Variants in CPA6 observed in about 807,000 individuals in gnomAD.
CPA6 encodes the protein carboxypeptidase B.
CPA6 carries 58 observed loss-of-function variants against 63.3 expected under a neutral mutation model. That is an observed-to-expected ratio of 0.92 (90% CI 0.74 to 1.14). CPA6 has a LOEUF of 1.14. Ranked by LOEUF, CPA6 falls within the 50% of genes most tolerant of loss-of-function variation. The pLI is 0.00. For synonymous variants in CPA6, 185 were observed against 179.0 expected, an observed-to-expected ratio of 1.03 and a Z score of -0.27; for missense variants, 565 against 526.6, an observed-to-expected ratio of 1.07 and a Z score of -0.71.
In CPA6 at chr8:67,590,172, GA is replaced by G. The variant is rs547786957; in HGVS notation, c.192+34003del. Among the ~76,000 whole-genome samples, 45 of 152,146 alleles carry G rather than the reference GA, an allele frequency of 3.0e-4. No homozygotes were observed. In the East Asian group the frequency reaches 6.0e-3, roughly 20 times the overall value. The stretch of plus-strand genomic sequence containing the variant: ...CTTTGTCCTTGCCATAGTTTACTGA[GA>G]ATGATTATTTCCAATTTCATCCATG... On this transcript the variant is annotated intron_variant, in intron 2 of 10. Transcript: ENST00000297770.
intron 10 of CPA6, among the ~76,000 whole-genome samples, chr8:67,423,607 C>T (rs1351133318): frequency 1.3e-5 from 2 of 152,174 alleles, no homozygotes; most frequent in East Asian, 3.8e-4. Context: ...CATCCTCAAC[C>T]CCTGGCCCAG....
chr8:67,691,546 C>T (rs1345299449), intron 1 of CPA6, among the ~76,000 whole-genome samples: 1 of 152,106 alleles, frequency 6.6e-6, no homozygotes, highest in Non-Finnish European at 1.5e-5. Flanking sequence ...AGCCTGGATC[C>T]CTGAGTGTTT....
intron 8 of CPA6, among the ~76,000 whole-genome samples, chr8:67,480,622 C>T (rs1487192325): frequency 1.3e-5 from 2 of 150,066 alleles, no homozygotes; most frequent in Non-Finnish European, 3.0e-5. Flanking sequence ...AATAATACTA[C>T]TATGAACATT....
At chr8:67,590,520 T>C (rs900550535) in intron 2 of CPA6, among the ~76,000 whole-genome samples, 1 of 150,368 alleles carries the variant, frequency 6.7e-6, no homozygotes, top group African/African-American at 2.4e-5. Context: ...TGTAAAAGTG[T>C]TCCTATTTCT....
intron 2 of CPA6, among the ~76,000 whole-genome samples, chr8:67,594,770 T>G (rs1479214935): frequency 6.6e-6 from 1 of 152,192 alleles, no homozygotes; most frequent in African/African-American, 2.4e-5. Context: ...TTATTCTAGT[T>G]ATACATTTGT....
chr8:67,458,075 A>G (rs947478953), intron 8 of CPA6, among the ~76,000 whole-genome samples: 3 of 152,144 alleles, frequency 2.0e-5, no homozygotes, highest in Non-Finnish European at 4.4e-5. Flanking sequence ...CTAGACACAG[A>G]GCCTACACCC....
intron 8 of CPA6, among the ~76,000 whole-genome samples, chr8:67,440,132 C>T (rs377671128): frequency 1.2e-4 from 19 of 152,176 alleles, no homozygotes; most frequent in African/African-American, 4.3e-4. Flanking sequence ...AGTCTGGAAT[C>T]AAGGTGTCAG....
At chr8:67,575,123 A>G (rs1226783587) in intron 2 of CPA6, among the ~76,000 whole-genome samples, 1 of 152,244 alleles carries the variant, frequency 6.6e-6, no homozygotes, top group Non-Finnish European at 1.5e-5. Flanking sequence ...GCTAACAAAT[A>G]CATGAAAAAA....
At chr8:67,550,810 C>G (rs1347761463) in intron 2 of CPA6, among the ~76,000 whole-genome samples, 1 of 152,000 alleles carries the variant, frequency 6.6e-6, no homozygotes, top group Non-Finnish European at 1.5e-5. Flanking sequence ...CATTTTTTCA[C>G]GTGTTTGTTG....
chr8:67,477,047 T>G (rs886161435), intron 8 of CPA6, among the ~76,000 whole-genome samples: 13 of 152,000 alleles, frequency 8.6e-5, no homozygotes, highest in African/African-American at 3.1e-4. Flanking sequence ...TCCCAGCACT[T>G]TGAGAGGCCG....
At position 67,655,299 on chromosome 8, in the gene CPA6, A is replaced by G. The variant is rs139139326; in HGVS notation, c.117-31048T>C. On this transcript the variant is annotated intron_variant, in intron 1 of 10. Coordinates refer to ENST00000297770, the MANE Select transcript of CPA6 (RefSeq NM_020361.5). ...ATGCAAGTCTTTTGGCTGTCATTTT[A>G]TAAATAGAATAGCAGTAAAATCTCA... is the stretch of plus-strand genomic sequence containing the variant. Among the ~76,000 whole-genome samples the G allele has an allele frequency of 7.2e-3, 1,092 of 152,286 alleles. 14 individuals carry two copies. Among genetic ancestry groups the G allele is most frequent in the African/African-American group, 0.025 (1,040 of 41,562 alleles).
At chr8:67,526,154 C>A (rs185194308) in intron 2 of CPA6, among the ~76,000 whole-genome samples, 1 of 152,234 alleles carries the variant, frequency 6.6e-6, no homozygotes, top group Admixed American at 6.5e-5. Flanking sequence ...TGCTTTAGGA[C>A]ATTTGTGGAG....
chr8:67,453,290 G>A (rs1357633304), intron 8 of CPA6, among the ~76,000 whole-genome samples: 2 of 152,102 alleles, frequency 1.3e-5, no homozygotes, highest in African/African-American at 4.8e-5. Context: ...TTTCATAAAT[G>A]GTTGGATGTA....
intron 8 of CPA6, among the ~76,000 whole-genome samples, chr8:67,470,141 C>T (rs1290326119): frequency 1.3e-5 from 2 of 152,038 alleles, no homozygotes; most frequent in Middle Eastern, 3.4e-3. Flanking sequence ...GCAATTCTCC[C>T]ACCTCAGCCT....
At chr8:67,628,868 G>A (rs895973031) in intron 1 of CPA6, among the ~76,000 whole-genome samples, 1 of 152,168 alleles carries the variant, frequency 6.6e-6, no homozygotes, top group Non-Finnish European at 1.5e-5. Flanking sequence ...TGTAATACCA[G>A]CACTTTGGGA....
At chr8:67,638,369 A>C (rs943588850) in intron 1 of CPA6, among the ~76,000 whole-genome samples, 2 of 151,476 alleles carry the variant, frequency 1.3e-5, no homozygotes, top group Non-Finnish European at 2.9e-5. Flanking sequence ...CTCCAGCAGG[A>C]TTAGGAATGA....
intron 1 of CPA6, among the ~76,000 whole-genome samples, chr8:67,694,919 C>G (rs1816883760): frequency 1.3e-5 from 2 of 152,078 alleles, no homozygotes; most frequent in Admixed American, 1.3e-4. Flanking sequence ...TGAGCTGTAC[C>G]CAGTGGCTTG....
At chr8:67,734,997 C>T (rs1050538777) in intron 1 of CPA6, among the ~76,000 whole-genome samples, 2 of 152,152 alleles carry the variant, frequency 1.3e-5, no homozygotes, top group Admixed American at 6.5e-5. Flanking sequence ...GGGTCCTCAT[C>T]TAGTGATAGA....
chr8:67,453,476 C>T (rs954119109), intron 8 of CPA6, among the ~76,000 whole-genome samples: 1 of 152,016 alleles, frequency 6.6e-6, no homozygotes, highest in African/African-American at 2.4e-5. Flanking sequence ...CTATTAGATA[C>T]CCCCAGTGAA....
Sources: gnomAD v4.1 joint callset for allele counts (sites outside exome capture counted in the v4.1 genomes callset) on GRCh38, gnomAD v4.1.1 for gene constraint, MANE v1.5 for transcripts, NCBI Gene and HGNC (gene_info 2026-07-23, HGNC 2026-07-21) for gene names.